The following NRXN3 variants were observed in gnomAD, a reference collection of about 807,000 sequenced individuals.
The protein encoded by NRXN3 is neurexin 3, also known as neurexin III.
Under a neutral mutation model 137.6 loss-of-function variants are expected in NRXN3, and 32 were observed. The observed-to-expected ratio is 0.23, with a 90% CI of 0.18 to 0.31. NRXN3 has a LOEUF of 0.31. Ranked by LOEUF, NRXN3 falls within the 10% of genes least tolerant of loss-of-function variation. NRXN3 has a pLI of 1.00. For missense variants in NRXN3, 1,574 were observed against 2,062.5 expected (o/e 0.76, Z 4.59); for synonymous variants, 798 against 784.5 (o/e 1.02, Z -0.29).
intron 4 of NRXN3, among the ~76,000 whole-genome samples, chr14:78,494,984 T>C (rs2095747752): frequency 6.6e-6 from 1 of 152,062 alleles, no homozygotes; most frequent in Non-Finnish European, 1.5e-5. Flanking sequence ...GATGGATTGA[T>C]TCATGGAATA....
chr14:79,128,476 C>T lies in NRXN3; in HGVS notation c.3262+140335C>T, dbSNP rs1455132352. On this transcript the variant is annotated intron_variant, in intron 15 of 20. Transcript: ENST00000335750. ...TTGGTTCTGTTTATATGCTGGATTA[C>T]ATTTATTGATTTGTGTATATTGAAC... Among the ~76,000 whole-genome samples the T allele has an allele frequency of 2.4e-3, 361 of 150,982 alleles. 2 individuals are homozygous for T. The highest frequency in any genetic ancestry group is 8.0e-3 in the African/African-American group (328 of 41,134).
intron 15 of NRXN3, among the ~76,000 whole-genome samples, chr14:79,161,737 C>G (rs1013318291): frequency 2.6e-5 from 4 of 151,706 alleles, no homozygotes; most frequent in Admixed American, 6.6e-5. Context: ...CAAAGTGAAG[C>G]CTCTAGTTTG....
intron 15 of NRXN3, among the ~76,000 whole-genome samples, chr14:79,126,699 A>T (rs1359093474): frequency 6.6e-6 from 1 of 151,906 alleles, no homozygotes; most frequent in Non-Finnish European, 1.5e-5. Context: ...CAGTAATGGG[A>T]TGGCTGGGTC....
chr14:79,492,949 T>A (rs2096731430), intron 16 of NRXN3, among the ~76,000 whole-genome samples: 1 of 152,120 alleles, frequency 6.6e-6, no homozygotes, highest in Admixed American at 6.5e-5. Context: ...TTAAATGATG[T>A]CAAATGAAGA....
At chr14:79,181,645 C>A (rs2062937105) in intron 15 of NRXN3, among the ~76,000 whole-genome samples, 2 of 140,876 alleles carry the variant, frequency 1.4e-5, no homozygotes, top group Non-Finnish European at 3.0e-5. Context: ...CGCGTCACTG[C>A]ATTCCAGTCC....
At chr14:79,446,781 G>A (rs1316222261) in intron 15 of NRXN3, among the ~76,000 whole-genome samples, 3 of 152,080 alleles carry the variant, frequency 2.0e-5, no homozygotes, top group Non-Finnish European at 2.9e-5. Flanking sequence ...CTGTTAAGAA[G>A]CAGTGGACAA....
chr14:79,481,221 TATTA>T (rs2096605267), intron 16 of NRXN3, among the ~76,000 whole-genome samples: 1 of 152,306 alleles, frequency 6.6e-6, no homozygotes, highest in East Asian at 1.9e-4. Flanking sequence ...ATATATATTT[TATTA>T]ATTAACTAGT....
At chr14:79,712,114 C>CAAAAG (rs2098806608) in intron 19 of NRXN3, among the ~76,000 whole-genome samples, 2 of 152,176 alleles carry the variant, frequency 1.3e-5, no homozygotes, top group Non-Finnish European at 2.9e-5. Flanking sequence ...ACAACAATAA[C>CAAAAG]AAAAGAAAAA....
intron 4 of NRXN3, among the ~76,000 whole-genome samples, chr14:78,600,792 C>A (rs1182988832): frequency 6.6e-6 from 1 of 152,182 alleles, no homozygotes; most frequent in African/African-American, 2.4e-5. Context: ...AACATCTAAA[C>A]CTGAATTTAT....
chr14:79,148,297 C>T (rs1462208341), intron 15 of NRXN3, among the ~76,000 whole-genome samples: 1 of 152,134 alleles, frequency 6.6e-6, no homozygotes, highest in African/African-American at 2.4e-5. Context: ...TGAAAAGAGC[C>T]AACCATTCAC....
intron 10 of NRXN3, among the ~76,000 whole-genome samples, chr14:78,865,357 A>G (rs927741755): frequency 6.6e-6 from 1 of 152,206 alleles, no homozygotes; most frequent in African/African-American, 2.4e-5. Flanking sequence ...AAAATAATTA[A>G]TGATAGTGAA....
chr14:78,381,371 A>AT (rs1181016214), intron 4 of NRXN3, among the ~76,000 whole-genome samples: 2 of 152,158 alleles, frequency 1.3e-5, no homozygotes, highest in Non-Finnish European at 1.5e-5. Flanking sequence ...GGGAGAAAAT[A>AT]TTTGCAATAT....
chr14:79,790,321 G>T (rs1196440290), intron 19 of NRXN3, among the ~76,000 whole-genome samples: 2 of 116,924 alleles, frequency 1.7e-5, no homozygotes, highest in African/African-American at 5.6e-5. Flanking sequence ...GGAGGAGGAG[G>T]CGCCACCCTT....
In NRXN3 at chr14:79,794,666, A is replaced by C. The variant is rs188600335; in HGVS notation, c.4015-10446A>C. ...CGATATAGAATCCGGAGAGAGGAAA[A>C]GCAAAGGAGGCCAGCTTTGGCCTGA... is the stretch of plus-strand genomic sequence containing the variant. On this transcript the variant is annotated intron_variant, in intron 19 of 20. Transcript: ENST00000335750. Among the ~76,000 whole-genome samples, 6 of 152,314 alleles carry C rather than the reference A, an allele frequency of 3.9e-5. No individual in the cohort carries two copies. The East Asian group carries it at 1.2e-3, about 29-fold the overall frequency.
At chr14:78,552,353 T>C (rs1044319299) in intron 4 of NRXN3, among the ~76,000 whole-genome samples, 2 of 152,280 alleles carry the variant, frequency 1.3e-5, no homozygotes, top group Middle Eastern at 6.8e-3. Flanking sequence ...AGGATGGTGA[T>C]AAAGGAAAGC....
chr14:79,605,029 C>G (rs1179233100), intron 16 of NRXN3, among the ~76,000 whole-genome samples: 1 of 152,054 alleles, frequency 6.6e-6, no homozygotes, highest in Non-Finnish European at 1.5e-5. Context: ...GAGACTCCAT[C>G]TCAAAAAAAT....
intron 15 of NRXN3, among the ~76,000 whole-genome samples, chr14:79,204,570 A>G (rs1372179799): frequency 6.6e-6 from 1 of 152,118 alleles, no homozygotes; most frequent in African/African-American, 2.4e-5. Context: ...TTGGGTGTTT[A>G]CATATTCCTT....
At chr14:78,172,452 A>G (rs1357929941) in intron 1 of NRXN3, among the ~76,000 whole-genome samples, 1 of 152,094 alleles carries the variant, frequency 6.6e-6, no homozygotes, top group Non-Finnish European at 1.5e-5. Flanking sequence ...GAGTGAGAGG[A>G]GGCAAGGCTG....
intron 4 of NRXN3, among the ~76,000 whole-genome samples, chr14:78,326,937 A>G (rs1169580210): frequency 6.6e-6 from 1 of 152,032 alleles, no homozygotes; most frequent in Non-Finnish European, 1.5e-5. Context: ...AAAAAAAAAA[A>G]AAAAAATCTC....
Sources: gnomAD v4.1 joint callset for allele counts (sites outside exome capture counted in the v4.1 genomes callset) on GRCh38, gnomAD v4.1.1 for gene constraint, MANE v1.5 for transcripts, NCBI Gene and HGNC (gene_info 2026-07-23, HGNC 2026-07-21) for gene names.